The following SYNE1 variants were observed in gnomAD, a reference collection of about 807,000 sequenced individuals.
The protein encoded by SYNE1 is spectrin repeat containing nuclear envelope protein 1.
SYNE1 carries 616 observed loss-of-function variants against 1,111.0 expected under a neutral mutation model. The observed-to-expected ratio is 0.55, with a 90% confidence interval of 0.52 to 0.59. The LOEUF (loss-of-function observed/expected upper bound fraction) is 0.59. Ranked by LOEUF, SYNE1 falls within the 20% of genes least tolerant of loss-of-function variation. The pLI is 0.00. For missense variants in SYNE1, 10,006 were observed against 10,417.0 expected, an observed-to-expected ratio of 0.96 and a Z score of 1.72; for synonymous variants, 3,855 against 3,825.8, an observed-to-expected ratio of 1.01 and a Z score of -0.28.
chr6:152,431,884 T>C (rs1592575461), intron 34 of SYNE1, among the ~76,000 whole-genome samples: 2 of 152,278 alleles, frequency 1.3e-5, no homozygotes, highest in East Asian at 3.9e-4. Context: ...TGTTTTGCTG[T>C]TTTTTAAGAT....
At chr6:152,468,219 A>G (rs1312248948) in intron 16 of SYNE1, among the ~76,000 whole-genome samples, 2 of 152,318 alleles carry the variant, frequency 1.3e-5, no homozygotes, top group South Asian at 4.1e-4. Flanking sequence ...GAATGCAACT[A>G]TGCCAGATTA....
chr6:152,492,247 A>G (rs2098974701), intron 11 of SYNE1, among the ~76,000 whole-genome samples: 2 of 152,200 alleles, frequency 1.3e-5, no homozygotes, highest in Non-Finnish European at 2.9e-5. Context: ...CATTAGAAAA[A>G]GCTCCAAAAA....
intron 11 of SYNE1, among the ~76,000 whole-genome samples, chr6:152,493,395 C>T (rs2098981992): frequency 6.6e-6 from 1 of 152,120 alleles, no homozygotes; most frequent in African/African-American, 2.4e-5. Flanking sequence ...CCCTTCATCC[C>T]AGCCTCTCTT....
intron 78 of SYNE1, among the ~76,000 whole-genome samples, chr6:152,328,600 C>G (rs1193286378): frequency 2.0e-5 from 3 of 151,020 alleles, no homozygotes; most frequent in African/African-American, 7.3e-5. Flanking sequence ...TTAGTAGAGA[C>G]AGGGTTTCAC....
At chr6:152,398,490 A>G (rs1410502354) in intron 49 of SYNE1, 129 bp downstream of exon 49, 2 of 764,684 alleles carry the variant, frequency 2.6e-6, no homozygotes, top group African/African-American at 1.7e-5. Context: ...TGACTCAATC[A>G]GCCTAATTCT....
chr6:152,518,928 A>G (rs143782837), intron 6 of SYNE1, among the ~76,000 whole-genome samples: 59 of 151,026 alleles, frequency 3.9e-4, no homozygotes, highest in Admixed American at 2.0e-3. Flanking sequence ...AACATATACA[A>G]TTGAACAATG....
intron 130 of SYNE1, among the ~76,000 whole-genome samples, chr6:152,170,898 C>A (rs1031577950): frequency 2.6e-5 from 4 of 152,164 alleles, no homozygotes; most frequent in African/African-American, 9.7e-5. Context: ...ATAATTGAGT[C>A]ATGGGGGTGG....
intron 124 of SYNE1, among the ~76,000 whole-genome samples, chr6:152,209,755 A>C (rs1208937539): frequency 6.8e-6 from 1 of 147,052 alleles, no homozygotes; most frequent in South Asian, 2.2e-4. Context: ...GTCTCAAAAA[A>C]GAAAAAAAAA....
rs1211148412 is a variant in SYNE1 at position 152,352,309 on chromosome 6, T to C, written c.11298A>G (p.Ser3766=). 3.7e-6 allele frequency: 6 copies of C among 1,614,076 alleles called. No individual in the cohort carries two copies. Among genetic ancestry groups the C allele is most frequent in the Non-Finnish European group, 5.1e-6 (6 of 1,180,044 alleles). Residue 3766 remains serine (S), a synonymous_variant, in exon 70 of 146, where the codon TCA becomes TCG. Coordinates refer to ENST00000367255, the MANE Select transcript of SYNE1 (RefSeq NM_182961.4). ...DMEKGHSLLK[S]AREKGERAVK... is the part of the protein sequence containing the mutation. Reference sequence around the variant, plus strand: ...CAGCCCTCTCTCCTTTCTCCCGGGCTGATTTCAGCAAACTGTGACCTTTCT... The same window carrying C: ...CAGCCCTCTCTCCTTTCTCCCGGGCCGATTTCAGCAAACTGTGACCTTTCT...
At chr6:152,566,523 C>A (rs2099414046) in intron 3 of SYNE1, among the ~76,000 whole-genome samples, 1 of 151,914 alleles carries the variant, frequency 6.6e-6, no homozygotes, top group Non-Finnish European at 1.5e-5. Flanking sequence ...AATTTGAGTC[C>A]AATCCACCAC....
intron 131 of SYNE1, among the ~76,000 whole-genome samples, chr6:152,161,179 AAATAT>A: frequency 6.8e-6 from 1 of 147,988 alleles, no homozygotes; most frequent in Non-Finnish European, 1.5e-5. Context: ...AATGTAACAA[AAATAT>A]AAATATATAT....
intron 3 of SYNE1, among the ~76,000 whole-genome samples, chr6:152,567,356 AT>A (rs67815614): frequency 0.057 from 8,672 of 152,154 alleles, 326 homozygotes; most frequent in Non-Finnish European, 0.086. Context: ...AATGAAAAAG[AT>A]TTTTTTCCCA....
Position 152,436,219 on chromosome 6 carries a change from T to C in SYNE1, c.4150-118A>G, listed in dbSNP as rs1161074783. ...GTGGATGAAGACATAGAGTCATACA[T>C]GTATGGATCTTACATTGTTCTTAAC... On this transcript the variant is annotated intron_variant, in intron 32 of 145. Coordinates refer to ENST00000367255, the MANE Select transcript of SYNE1 (RefSeq NM_182961.4). 3 of 1,027,988 alleles carry C rather than the reference T, an allele frequency of 2.9e-6. No individual in the cohort carries two copies. The East Asian group carries it at 7.4e-5, about 26-fold the overall frequency. The allele number at this position is 1,027,988 out of a possible 1,614,324, so 63.7% of individuals were successfully genotyped here. A position where few individuals can be genotyped will look rare whatever the true frequency, so the allele number is the denominator to read the frequency against.
intron 126 of SYNE1, among the ~76,000 whole-genome samples, chr6:152,202,499 T>C (rs2075714878): frequency 1.3e-5 from 2 of 151,972 alleles, no homozygotes; most frequent in South Asian, 4.2e-4. Flanking sequence ...TTACTGACTA[T>C]CTGTGTGGCT....
intron 145 of SYNE1, chr6:152,127,175 AT>A (rs1207440904): frequency 6.6e-6 from 1 of 152,082 alleles, no homozygotes; most frequent in Admixed American, 6.6e-5. Context: ...CTCTAAAACC[AT>A]TGTTTAAAGG....
Position 152,359,331 on chromosome 6 carries a change from A to T in SYNE1, c.10427T>A (p.Ile3476Asn), listed in dbSNP as rs1434873360. The stretch of plus-strand genomic sequence containing the variant: ...TTGCCGTACCTTGGCCCTCTCTTGG[A>T]TGGCTCTGTATCGTTCCTGTAGATC... ...LQDLQERYRA[I>N]QERAKEAVTK... The change falls in exon 65 of 146, where the codon ATC (isoleucine) becomes AAC (asparagine). Residue 3476 changes from isoleucine to asparagine, a missense_variant. Coordinates refer to ENST00000367255, the MANE Select transcript of SYNE1 (RefSeq NM_182961.4). The T allele has an allele frequency of 6.2e-7, 1 of 1,614,044 alleles. No homozygotes were observed. The highest frequency in any genetic ancestry group is 8.5e-7 in the Non-Finnish European group (1 of 1,179,996).
chr6:152,536,456 T>A (rs2099242903), intron 4 of SYNE1, among the ~76,000 whole-genome samples: 1 of 132,904 alleles, frequency 7.5e-6, no homozygotes, highest in Non-Finnish European at 1.5e-5. Context: ...AATATATATT[T>A]ATATATATAT....
intron 72 of SYNE1, among the ~76,000 whole-genome samples, chr6:152,347,493 C>A (rs7762904): frequency 2.0e-5 from 3 of 151,776 alleles, no homozygotes; most frequent in African/African-American, 7.3e-5. Flanking sequence ...GTGTTCATGG[C>A]TGGTCTCAGA....
intron 40 of SYNE1, among the ~76,000 whole-genome samples, chr6:152,418,422 A>G (rs573739597): frequency 6.6e-6 from 1 of 152,340 alleles, no homozygotes; most frequent in South Asian, 2.1e-4. Flanking sequence ...TCCCTGCCAC[A>G]GAACCAATTA....
Sources: gnomAD v4.1 joint callset for allele counts (sites outside exome capture counted in the v4.1 genomes callset) on GRCh38, gnomAD v4.1.1 for gene constraint, MANE v1.5 for transcripts, NCBI Gene and HGNC (gene_info 2026-07-23, HGNC 2026-07-21) for gene names.